NRG3: variants seen among roughly 807,000 people sequenced by gnomAD.
NRG3 encodes the protein neuregulin 3.
In NRG3, 31 loss-of-function variants were observed where a neutral mutation model predicts 66.9. That is an observed-to-expected ratio of 0.46 (90% CI 0.35 to 0.63). The LOEUF is 0.63. Among genes scored for constraint, NRG3 ranks in the 20% least tolerant of loss-of-function variants. The pLI is 0.00. For synonymous variants in NRG3, 393 were observed against 359.4 expected (o/e 1.09, Z -1.06); for missense variants, 910 against 878.9 (o/e 1.04, Z -0.45).
intron 2 of NRG3, among the ~76,000 whole-genome samples, chr10:82,567,083 T>C (rs2045455368): frequency 6.6e-6 from 1 of 152,018 alleles, no homozygotes; most frequent in African/African-American, 2.4e-5. Flanking sequence ...TCCATGGTCA[T>C]CTTTGAAGGG....
At chr10:82,466,509 A>G (rs1450916534) in intron 2 of NRG3, among the ~76,000 whole-genome samples, 1 of 152,156 alleles carries the variant, frequency 6.6e-6, no homozygotes, top group Admixed American at 6.5e-5. Context: ...GGACTAGGAA[A>G]GTATAGGCCT....
At position 82,103,839 on chromosome 10, in the gene NRG3, G is replaced by A. The variant is rs111848545; in HGVS notation, c.823+227676G>A. Among the ~76,000 whole-genome samples, 1,040 of 151,926 alleles carry A rather than the reference G, an allele frequency of 6.8e-3. 7 individuals carry two copies. The highest frequency in any genetic ancestry group is 0.021 in the South Asian group (101 of 4,792). ...CATCACAGGAGTGCATTCTGCCACCGGGAAAGACAAGGTGAGAAAAAAGAA... is the reference window on the plus strand; with the variant it reads ...CATCACAGGAGTGCATTCTGCCACCAGGAAAGACAAGGTGAGAAAAAAGAA... On this transcript the variant is annotated intron_variant, in intron 1 of 8. Transcript: ENST00000372141.
chr10:82,883,599 C>T (rs995334314), intron 4 of NRG3, among the ~76,000 whole-genome samples: 2 of 152,116 alleles, frequency 1.3e-5, no homozygotes, highest in Non-Finnish European at 2.9e-5. Context: ...GTTCTCTAAT[C>T]TGCTCCTTCA....
At chr10:82,776,690 T>C (rs181158767) in intron 3 of NRG3, among the ~76,000 whole-genome samples, 2 of 152,126 alleles carry the variant, frequency 1.3e-5, no homozygotes, top group East Asian at 3.9e-4. Context: ...TTTTTGCTGC[T>C]TGATCTAGTC....
intron 1 of NRG3, among the ~76,000 whole-genome samples, chr10:82,188,534 T>C (rs766956898): frequency 6.6e-6 from 1 of 151,896 alleles, no homozygotes; most frequent in Non-Finnish European, 1.5e-5. Context: ...CGGGAGAAAA[T>C]AGTTGCAAAC....
intron 2 of NRG3, among the ~76,000 whole-genome samples, chr10:82,587,441 C>T (rs1350233121): frequency 6.6e-6 from 1 of 151,954 alleles, no homozygotes; most frequent in Non-Finnish European, 1.5e-5. Flanking sequence ...ACAAAAGCTC[C>T]TTGGCATCCC....
intron 8 of NRG3, among the ~76,000 whole-genome samples, chr10:82,980,944 T>G (rs1041638352): frequency 6.6e-6 from 1 of 152,210 alleles, no homozygotes; most frequent in African/African-American, 2.4e-5. Context: ...TTAGTGAATA[T>G]GACTATATAC....
At chr10:82,962,057 T>C (rs1287332502) in intron 6 of NRG3, among the ~76,000 whole-genome samples, 1 of 152,220 alleles carries the variant, frequency 6.6e-6, no homozygotes, top group East Asian at 1.9e-4. Context: ...GGGTTTCACT[T>C]TATAGTCATC....
chr10:81,959,766 T>G lies in NRG3; in HGVS notation c.823+83603T>G, dbSNP rs747498423. On this transcript the variant is annotated intron_variant, in intron 1 of 8. Coordinates refer to ENST00000372141, the MANE Select transcript of NRG3 (RefSeq NM_001010848.4). ...GACCTTCCCAGCCCAATACTATGAA[T>G]AGTTTCCACTAACATCCTTTGGTAA... Among the ~76,000 whole-genome samples, 24 of 152,276 alleles carry G rather than the reference T, an allele frequency of 1.6e-4. No individual in the cohort carries two copies. The South Asian group carries it at 3.9e-3, about 25-fold the overall frequency.
chr10:82,663,976 G>T (rs1196779799), intron 2 of NRG3, among the ~76,000 whole-genome samples: 1 of 152,200 alleles, frequency 6.6e-6, no homozygotes, highest in Non-Finnish European at 1.5e-5. Context: ...TTGGATCAAC[G>T]AACTGGGCAG....
At chr10:82,938,220 G>T (rs550025238) in intron 4 of NRG3, among the ~76,000 whole-genome samples, 1 of 152,280 alleles carries the variant, frequency 6.6e-6, no homozygotes, top group East Asian at 1.9e-4. Flanking sequence ...CAGACTGGAT[G>T]CTCTACTTCT....
At chr10:82,667,186 A>T (rs2134007025) in intron 2 of NRG3, among the ~76,000 whole-genome samples, 1 of 152,284 alleles carries the variant, frequency 6.6e-6, no homozygotes, top group East Asian at 1.9e-4. Flanking sequence ...TAAAGCCCAA[A>T]GGTAGCTGGA....
chr10:82,203,265 C>T (rs977023381), intron 1 of NRG3, among the ~76,000 whole-genome samples: 3 of 152,230 alleles, frequency 2.0e-5, no homozygotes, highest in Non-Finnish European at 4.4e-5. Flanking sequence ...CTAATAAATA[C>T]TCATTGGAAA....
intron 1 of NRG3, among the ~76,000 whole-genome samples, chr10:82,169,644 A>G (rs552018378): frequency 1.3e-5 from 2 of 151,242 alleles, no homozygotes; most frequent in Non-Finnish European, 3.0e-5. Context: ...ATATTTCTTT[A>G]TTTCACCTAT....
intron 4 of NRG3, among the ~76,000 whole-genome samples, chr10:82,893,328 A>G (rs2483300): frequency 0.41 from 61,839 of 152,182 alleles, 13,062 homozygotes; most frequent in Non-Finnish European, 0.48. Flanking sequence ...AATCAGGGAT[A>G]TTAACATATT....
At chr10:82,775,832 C>T (rs2059892879) in intron 3 of NRG3, among the ~76,000 whole-genome samples, 1 of 151,946 alleles carries the variant, frequency 6.6e-6, no homozygotes, top group African/African-American at 2.4e-5. Flanking sequence ...TTTAGTGTTA[C>T]CCACTCCCCT....
chr10:82,694,849 A>C (rs2055245956), intron 2 of NRG3, among the ~76,000 whole-genome samples: 1 of 152,204 alleles, frequency 6.6e-6, no homozygotes, highest in African/African-American at 2.4e-5. Context: ...TGAGGAACAT[A>C]TGTCTGTAAG....
rs11195602 is a variant in NRG3 at position 82,689,103 on chromosome 10, C to T, written c.954-49474C>T. Among the ~76,000 whole-genome samples the T allele has an allele frequency of 1.2e-4, 18 of 152,162 alleles. No individual in the cohort carries two copies. In the East Asian group the frequency reaches 2.3e-3, roughly 20 times the overall value. On this transcript the variant is annotated intron_variant, in intron 2 of 8. Transcript: ENST00000372141. ...TTTATTTTTCAAAGTAAAGGAAATG[C>T]GAGATGGCACCTTATAAAATTGCTG...
intron 1 of NRG3, among the ~76,000 whole-genome samples, chr10:82,231,640 T>C (rs2076470353): frequency 6.6e-6 from 1 of 152,192 alleles, no homozygotes. Flanking sequence ...TCACATAACA[T>C]AGACTCACAT....
Sources: gnomAD v4.1 joint callset for allele counts (sites outside exome capture counted in the v4.1 genomes callset) on GRCh38, gnomAD v4.1.1 for gene constraint, MANE v1.5 for transcripts, NCBI Gene and HGNC (gene_info 2026-07-23, HGNC 2026-07-21) for gene names.